The following CWF19L2 variants were observed in gnomAD, a reference collection of about 807,000 sequenced individuals.
The protein encoded by CWF19L2 is CWF19 like cell cycle control factor 2.
A neutral mutation model predicts 111.7 loss-of-function variants in CWF19L2; 98 were observed. The ratio of observed to expected loss-of-function variants is 0.88; its 90% CI spans 0.75 to 1.04. The LOEUF (loss-of-function observed/expected upper bound fraction) is 1.04, where lower values mean the gene tolerates loss of function less well. CWF19L2 is among the 50% of genes least tolerant of loss of function. The pLI is 0.00. For missense variants in CWF19L2, 1,101 were observed against 1,051.4 expected, an observed-to-expected ratio of 1.05 and a Z score of -0.65; for synonymous variants, 351 against 342.9, an observed-to-expected ratio of 1.02 and a Z score of -0.26.
chr11:107,343,512 G>A (rs963725642), intron 14 of CWF19L2, among the ~76,000 whole-genome samples: 9 of 151,586 alleles, frequency 5.9e-5, no homozygotes, highest in Admixed American at 4.6e-4. Flanking sequence ...AAGAGTTCTT[G>A]CAGACAGCAT....
chr11:107,439,809 G>A (rs1861595690), intron 5 of CWF19L2, among the ~76,000 whole-genome samples: 1 of 152,180 alleles, frequency 6.6e-6, no homozygotes, highest in South Asian at 2.1e-4. Flanking sequence ...TGGGCCACGT[G>A]AGCCATTTTG....
chr11:107,361,489 T>C (rs973929344), intron 12 of CWF19L2, among the ~76,000 whole-genome samples: 5 of 152,304 alleles, frequency 3.3e-5, no homozygotes, highest in South Asian at 2.1e-4. Flanking sequence ...AATTTTAATA[T>C]TGTTTGTTCT....
chr11:107,413,344 G>A (rs1861184652), intron 10 of CWF19L2, among the ~76,000 whole-genome samples: 1 of 152,146 alleles, frequency 6.6e-6, no homozygotes, highest in Admixed American at 6.6e-5. Flanking sequence ...GGAAAATGTT[G>A]CAACTGTATG....
intron 12 of CWF19L2, among the ~76,000 whole-genome samples, chr11:107,355,403 G>A (rs1417997011): frequency 6.1e-5 from 8 of 132,048 alleles, no homozygotes; most frequent in Non-Finnish European, 1.1e-4. Flanking sequence ...CGACAAGAGC[G>A]AAACTCCGTC....
intron 12 of CWF19L2, among the ~76,000 whole-genome samples, chr11:107,362,254 C>A (rs1860361093): frequency 6.6e-6 from 1 of 152,114 alleles, no homozygotes; most frequent in South Asian, 2.1e-4. Flanking sequence ...GGAAGGGGCG[C>A]CCGCCATTGC....
At position 107,435,846 on chromosome 11, in the gene CWF19L2, A is replaced by G. The variant is rs117620288; in HGVS notation, c.665-2097T>C. Among the ~76,000 whole-genome samples the G allele has an allele frequency of 9.4e-3, 1,427 of 152,246 alleles. 8 individuals are homozygous for G. Among genetic ancestry groups the G allele is most frequent in the Non-Finnish European group, 0.016 (1,091 of 67,996 alleles). On this transcript the variant is annotated intron_variant, in intron 6 of 17. Transcript: ENST00000282251. The stretch of plus-strand genomic sequence containing the variant: ...ATTATGAATATAAAAACCTTCCTAC[A>G]ATAGGAAGTACAAACATGAATGTAC...
intron 10 of CWF19L2, among the ~76,000 whole-genome samples, chr11:107,411,326 G>A (rs1861154222): frequency 6.6e-6 from 1 of 152,000 alleles, no homozygotes; most frequent in Non-Finnish European, 1.5e-5. Context: ...CTTTTATATT[G>A]TGTTTAAGTA....
chr11:107,346,840 G>A (rs1860087272), intron 14 of CWF19L2, among the ~76,000 whole-genome samples: 1 of 152,216 alleles, frequency 6.6e-6, no homozygotes, highest in South Asian at 2.1e-4. Flanking sequence ...CCAGAACACT[G>A]GCAAGTGGGC....
chr11:107,451,051 T>C (rs1175554292), intron 3 of CWF19L2, among the ~76,000 whole-genome samples: 1 of 152,152 alleles, frequency 6.6e-6, no homozygotes, highest in Admixed American at 6.5e-5. Flanking sequence ...TACATACTCA[T>C]TTCAAATACA....
At chr11:107,384,889 C>A (rs1236765236) in intron 12 of CWF19L2, among the ~76,000 whole-genome samples, 1 of 152,110 alleles carries the variant, frequency 6.6e-6, no homozygotes, top group Non-Finnish European at 1.5e-5. Context: ...CTAGACTAAT[C>A]ATTTTTAACT....
At chr11:107,392,742 T>A (rs576058253) in intron 11 of CWF19L2, 37 bp downstream of exon 11, 63 of 1,265,840 alleles carry the variant, frequency 5.0e-5, no homozygotes, top group Non-Finnish European at 6.8e-5. Flanking sequence ...GAAGAAGGAA[T>A]TCTGAATTAA....
At chr11:107,368,284 A>G (rs1487270933) in intron 12 of CWF19L2, among the ~76,000 whole-genome samples, 1 of 137,948 alleles carries the variant, frequency 7.2e-6, no homozygotes, top group Non-Finnish European at 1.6e-5. Context: ...GAAATACAAA[A>G]GAGCATCAGA....
chr11:107,333,323 G>A (rs1298626125), intron 16 of CWF19L2, among the ~76,000 whole-genome samples: 2 of 152,048 alleles, frequency 1.3e-5, no homozygotes, highest in African/African-American at 4.8e-5. Flanking sequence ...ACTTAATTCA[G>A]GTACTCATGG....
At chr11:107,452,559 T>A (rs1429638824) in intron 3 of CWF19L2, among the ~76,000 whole-genome samples, 1 of 152,210 alleles carries the variant, frequency 6.6e-6, no homozygotes, top group Admixed American at 6.5e-5. Context: ...TAGGGAAAAT[T>A]CAGCCTTTTC....
chr11:107,358,343 T>TAAAAAAAAAAAAA (rs58922291), intron 12 of CWF19L2, among the ~76,000 whole-genome samples: 1 of 131,592 alleles, frequency 7.6e-6, no homozygotes, highest in African/African-American at 2.8e-5. Context: ...ACTGATGAGC[T>TAAAAAAAAAAAAA]AAAAAAAAAA....
At chr11:107,386,200 A>C (rs580431) in intron 12 of CWF19L2, among the ~76,000 whole-genome samples, 81,649 of 151,720 alleles carry the variant, frequency 0.54, 23,028 homozygotes, top group African/African-American at 0.72. Context: ...TTTTGTAGAG[A>C]TAGGGGTCTC....
intron 8 of CWF19L2, among the ~76,000 whole-genome samples, chr11:107,426,766 T>C (rs555004070): frequency 1.3e-5 from 2 of 151,188 alleles, no homozygotes; most frequent in South Asian, 4.1e-4. Context: ...ATATTAAATA[T>C]ATAAGTTATG....
At chr11:107,404,194 T>A in intron 10 of CWF19L2, 2 of 776,740 alleles carry the variant, frequency 2.6e-6, no homozygotes, top group East Asian at 2.4e-5. Flanking sequence ...GGGGGAATTA[T>A]GATAGACCTT....
Position 107,369,279 on chromosome 11 carries a change from A to C in CWF19L2, c.1873-15543T>G, listed in dbSNP as rs144006199. Among the ~76,000 whole-genome samples, 3 of 137,728 alleles carry C rather than the reference A, an allele frequency of 2.2e-5. 1 individual carries two copies. Among genetic ancestry groups the C allele is most frequent in the African/African-American group, 8.7e-5 (3 of 34,512 alleles). 90.4% of individuals were successfully genotyped at this position (137,728 alleles called of 152,430 possible). ...TCACTTATAATTTGATGCTTTTATTATATTTCTTTTCTAAAACTGGATAAC... is the reference window on the plus strand; with the variant it reads ...TCACTTATAATTTGATGCTTTTATTCTATTTCTTTTCTAAAACTGGATAAC... On this transcript the variant is annotated intron_variant, in intron 12 of 17. Coordinates refer to ENST00000282251, the MANE Select transcript of CWF19L2 (RefSeq NM_152434.3).
Sources: allele counts gnomAD v4.1 joint callset (sites outside exome capture counted in the v4.1 genomes callset), GRCh38; gene constraint gnomAD v4.1.1; transcripts MANE v1.5; gene names NCBI Gene and HGNC (gene_info 2026-07-23, HGNC 2026-07-21).